The following SRBD1 variants were observed in gnomAD, a reference collection of about 807,000 sequenced individuals.
The protein encoded by SRBD1 is S1 RNA-binding domain-containing protein 1.
Under a neutral mutation model 115.3 loss-of-function variants are expected in SRBD1, and 88 were observed. That is an observed-to-expected ratio of 0.76 (90% confidence interval 0.64 to 0.91). The LOEUF (loss-of-function observed/expected upper bound fraction) is 0.91. Ranked by LOEUF, SRBD1 falls within the 40% of genes least tolerant of loss-of-function variation. The pLI is 0.00. For missense variants in SRBD1, 1,385 were observed against 1,177.4 expected, an observed-to-expected ratio of 1.18 and a Z score of -2.58; for synonymous variants, 509 against 407.7, an observed-to-expected ratio of 1.25 and a Z score of -2.99.
chr2:45,432,517 G>C (rs1668371414), intron 16 of SRBD1, among the ~76,000 whole-genome samples: 1 of 152,098 alleles, frequency 6.6e-6, no homozygotes, highest in African/African-American at 2.4e-5. Context: ...TGAAAGTATA[G>C]AAAAAATCAT....
intron 14 of SRBD1, among the ~76,000 whole-genome samples, chr2:45,493,397 T>A (rs928420980): frequency 1.3e-5 from 2 of 152,190 alleles, no homozygotes; most frequent in Admixed American, 6.5e-5. Flanking sequence ...GCTCTGAGAT[T>A]TAATGCTTAA....
At chr2:45,509,421 C>T (rs1027057609) in intron 14 of SRBD1, among the ~76,000 whole-genome samples, 13 of 151,964 alleles carry the variant, frequency 8.6e-5, no homozygotes, top group Non-Finnish European at 1.6e-4. Context: ...ACAGTGAAAC[C>T]CCATCTCTAC....
chr2:45,483,747 T>C (rs1670033941), intron 15 of SRBD1, among the ~76,000 whole-genome samples: 1 of 152,132 alleles, frequency 6.6e-6, no homozygotes, highest in South Asian at 2.1e-4. Flanking sequence ...AATTCCCCCA[T>C]GTTGTCTTTT....
intron 14 of SRBD1, among the ~76,000 whole-genome samples, chr2:45,531,641 A>G (rs796096740): frequency 6.6e-6 from 1 of 151,556 alleles, no homozygotes; most frequent in African/African-American, 2.4e-5. Context: ...GAAACAGCCA[A>G]ATAATATTTA....
At chr2:45,586,103 G>T (rs1441919896) in intron 4 of SRBD1, among the ~76,000 whole-genome samples, 1 of 152,156 alleles carries the variant, frequency 6.6e-6, no homozygotes, top group African/African-American at 2.4e-5. Context: ...AACTCACTTT[G>T]TCAGCATGAG....
intron 14 of SRBD1, among the ~76,000 whole-genome samples, chr2:45,519,306 G>A (rs987548492): frequency 1.3e-5 from 2 of 151,910 alleles, no homozygotes; most frequent in East Asian, 3.9e-4. Flanking sequence ...TACAACATGG[G>A]GACCCCACTG....
intron 14 of SRBD1, among the ~76,000 whole-genome samples, chr2:45,505,593 T>C (rs562079738): frequency 6.8e-4 from 104 of 152,324 alleles, no homozygotes; most frequent in Middle Eastern, 3.4e-3. Flanking sequence ...CAAATGAGTA[T>C]AATTTTCTCA....
chr2:45,589,097 T>C (rs1308038880), intron 4 of SRBD1, among the ~76,000 whole-genome samples: 2 of 152,182 alleles, frequency 1.3e-5, no homozygotes, highest in Non-Finnish European at 2.9e-5. Context: ...TAGGTATTTA[T>C]TGTTGTCTAT....
intron 9 of SRBD1, among the ~76,000 whole-genome samples, chr2:45,564,073 T>C (rs145478903): frequency 8.4e-4 from 128 of 152,126 alleles, no homozygotes; most frequent in South Asian, 3.9e-3. Flanking sequence ...CATCCAGAAA[T>C]ATATAAGAAG....
intron 16 of SRBD1, among the ~76,000 whole-genome samples, chr2:45,458,917 T>G (rs1201523688): frequency 6.8e-6 from 1 of 146,836 alleles, no homozygotes; most frequent in East Asian, 2.0e-4. Context: ...CAACTATAAA[T>G]CCACAAGTCT....
chr2:45,498,611 C>T (rs1359194821), intron 14 of SRBD1, among the ~76,000 whole-genome samples: 1 of 152,112 alleles, frequency 6.6e-6, no homozygotes, highest in African/African-American at 2.4e-5. Flanking sequence ...AATTTCCCCA[C>T]TGTACTACGG....
At chr2:45,559,184 T>G (rs1051558417) in intron 10 of SRBD1, among the ~76,000 whole-genome samples, 8 of 152,038 alleles carry the variant, frequency 5.3e-5, no homozygotes, top group African/African-American at 1.9e-4. Flanking sequence ...CTTGATTCCT[T>G]CCAAATAATT....
In SRBD1 at chr2:45,553,657, G is replaced by T. The variant is rs778548032; in HGVS notation, c.1483C>A (p.Arg495Ser). Reference protein sequence around the residue: ...LYNSLNDSFKRLIYPLLCREF... With the variant: ...LYNSLNDSFKSLIYPLLCREF... ...CTACAGAGAAGAGGATAAATAAGGC[G>T]TTTAAAGGAATCATTCAGTGAATTA... Residue 495 changes from arginine to serine, a missense_variant, in exon 11 of 21, where the codon CGC becomes AGC. Arg to Ser is a moderately radical substitution (Grantham distance 110). Coordinates refer to ENST00000263736, the MANE Select transcript of SRBD1 (RefSeq NM_018079.5). The T allele has an allele frequency of 6.2e-7, 1 of 1,605,610 alleles. No individual in the cohort carries two copies. Among genetic ancestry groups the T allele is most frequent in the African/African-American group, 1.3e-5 (1 of 74,674 alleles).
intron 14 of SRBD1, among the ~76,000 whole-genome samples, chr2:45,515,674 T>C (rs757771715): frequency 2.0e-5 from 3 of 152,190 alleles, no homozygotes; most frequent in Non-Finnish European, 2.9e-5. Context: ...CTGATCACTA[T>C]GCTGTTTCTC....
chr2:45,578,745 A>G (rs940201417), intron 7 of SRBD1, among the ~76,000 whole-genome samples: 7 of 152,324 alleles, frequency 4.6e-5, no homozygotes, highest in African/African-American at 1.7e-4. Context: ...AGTTGTAGCT[A>G]CATAGGCTGA....
At chr2:45,497,139 T>A (rs1272523033) in intron 14 of SRBD1, among the ~76,000 whole-genome samples, 2 of 152,198 alleles carry the variant, frequency 1.3e-5, no homozygotes, top group African/African-American at 4.8e-5. Flanking sequence ...TTCAAGGATC[T>A]AAACTTCTAC....
intron 14 of SRBD1, among the ~76,000 whole-genome samples, chr2:45,502,080 C>A (rs1200364073): frequency 6.6e-6 from 1 of 152,296 alleles, no homozygotes; most frequent in South Asian, 2.1e-4. Context: ...GGGTACCCCT[C>A]CAAGACGAAG....
intron 2 of SRBD1, among the ~76,000 whole-genome samples, chr2:45,603,850 G>A (rs1478713716): frequency 2.0e-5 from 3 of 151,962 alleles, no homozygotes; most frequent in Admixed American, 2.0e-4. Flanking sequence ...ATTTTATATA[G>A]TATCTCCAAC....
At chr2:45,393,601 C>A (rs1424632037) in intron 19 of SRBD1, among the ~76,000 whole-genome samples, 1 of 152,148 alleles carries the variant, frequency 6.6e-6, no homozygotes, top group Non-Finnish European at 1.5e-5. Context: ...AGGATGGTCT[C>A]GATCTCCTGA....
Sources: gnomAD v4.1 joint callset for allele counts (sites outside exome capture counted in the v4.1 genomes callset) on GRCh38, gnomAD v4.1.1 for gene constraint, MANE v1.5 for transcripts, NCBI Gene and HGNC (gene_info 2026-07-23, HGNC 2026-07-21) for gene names.